The following TMEM269 variants were observed in gnomAD, a reference collection of about 807,000 sequenced individuals.
TMEM269 encodes the protein transmembrane protein 269.
A neutral mutation model predicts 15.8 loss-of-function variants in TMEM269; 12 were observed. The observed-to-expected ratio is 0.76, with a 90% CI of 0.49 to 1.23. The LOEUF is 1.23. Among genes scored for constraint, TMEM269 ranks in the 50% most tolerant of loss-of-function variants. The pLI is 0.00. For synonymous variants in TMEM269, 93 were observed against 99.3 expected, an observed-to-expected ratio of 0.94 and a Z score of 0.38; for missense variants, 211 against 245.4, an observed-to-expected ratio of 0.86 and a Z score of 0.94.
Position 42,788,993 on chromosome 1 carries a change from C to G in TMEM269, c.-98-803C>G, listed in dbSNP as rs1653599052. ...CTGGAGTGCAGTGGTGTGATCTCGG[C>G]TCACTGCAACCTCTGCCTCCTAAGG... On this transcript the variant is annotated intron_variant, in intron 1 of 5. Transcript: ENST00000637012. The surrounding 1 kb of genome is among the most constrained non-coding windows in gnomAD (Gnocchi z 4.0). Among the ~76,000 whole-genome samples, 1 of 148,826 alleles carries G rather than the reference C, an allele frequency of 6.7e-6. No individual in the cohort carries two copies. Among genetic ancestry groups the G allele is most frequent in the African/African-American group, 2.5e-5 (1 of 40,190 alleles).
chr1:42,792,778 G>A, intron 2 of TMEM269, 27 bp from the exon 3 acceptor site: 1 of 1,498,922 alleles, frequency 6.7e-7, no homozygotes. Flanking sequence ...GTGCTTCCCT[G>A]TTTGGGCTTG....
chr1:42,790,023 A>G, intron 2 of TMEM269, 89 bp downstream of exon 2: 1 of 973,024 alleles, frequency 1.0e-6, no homozygotes, highest in Non-Finnish European at 1.6e-6. Context: ...GCAGGCACTG[A>G]GGCATAGGAA....
Position 42,800,661 on chromosome 1 carries a change from C to T in TMEM269, c.*2436C>T, listed in dbSNP as rs965174260. On this transcript the variant is annotated 3_prime_UTR_variant, in exon 6 of 6. Transcript: ENST00000637012. Reference sequence around the variant, plus strand: ...ACCTTGAATAAAACGTTTAATCTCTCTAAGCCTATTTTCCTATCTGTAAAA... The same window carrying T: ...ACCTTGAATAAAACGTTTAATCTCTTTAAGCCTATTTTCCTATCTGTAAAA... 4 of 152,184 alleles carry T rather than the reference C, an allele frequency of 2.6e-5. No individual in the cohort carries two copies. The highest frequency in any genetic ancestry group is 9.7e-5 in the African/African-American group (4 of 41,438). 9.4% of individuals were successfully genotyped at this position (152,184 alleles called of 1,614,324 possible).
In TMEM269 at chr1:42,797,545, G is replaced by A. The variant is rs1242793690; in HGVS notation, c.485-553G>A. ...CCAGGTGTTACCACCGTGCTTATAT[G>A]GACAGTCTAGGAACAGTGAGACACT... On this transcript the variant is annotated intron_variant, in intron 5 of 5. Coordinates refer to ENST00000637012, the MANE Select transcript of TMEM269 (RefSeq NM_001354602.2). This position sits in a 1 kb window ranked among gnomAD's most constrained non-coding sequence, Gnocchi z 4.9. 6.6e-6 allele frequency among the ~76,000 whole-genome samples: 1 copy of A among 152,150 alleles called. No individual in the cohort carries two copies. Among genetic ancestry groups the A allele is most frequent in the Admixed American group, 6.5e-5 (1 of 15,276 alleles).
In TMEM269 at chr1:42,797,965, C is replaced by A; in HGVS notation, c.485-133C>A. 1 of 1,001,114 alleles carries A rather than the reference C, an allele frequency of 1.0e-6. No individual in the cohort carries two copies. The highest frequency in any genetic ancestry group is 1.6e-5 in the African/African-American group (1 of 61,932). 62.0% of individuals were successfully genotyped at this position (1,001,114 alleles called of 1,614,324 possible). On this transcript the variant is annotated intron_variant, in intron 5 of 5. Transcript: ENST00000637012. The surrounding 1 kb of genome is among the most constrained non-coding windows in gnomAD (Gnocchi z 4.9). ...CTGAACTTGAAGACAGGGCTCCTGT[C>A]TCTTTCTGTTTGTTTCTTAGGCACT...
intron 1 of TMEM269, chr1:42,789,285 G>C (rs913713518): frequency 1.6e-6 from 1 of 636,686 alleles, no homozygotes; most frequent in Non-Finnish European, 2.8e-6. Flanking sequence ...GTTCTGACTG[G>C]GGCCTGTCAG....
Position 42,798,453 on chromosome 1 carries a change from G to T in TMEM269, c.*228G>T, listed in dbSNP as rs950815157. On this transcript the variant is annotated 3_prime_UTR_variant, in exon 6 of 6. Transcript: ENST00000637012. ...TGCGGACAATACTTGTTTATGTCAT[G>T]TAGAGCAGAATATCCCCCCGCCTCA... The T allele has an allele frequency of 1.8e-6, 1 of 546,014 alleles. No homozygotes were observed. The highest frequency in any genetic ancestry group is 3.2e-6 in the Non-Finnish European group (1 of 311,848). The allele number at this position is 546,014 out of a possible 1,614,324, so 33.8% of individuals were successfully genotyped here.
chr1:42,796,900 C>A (rs1317190352), intron 5 of TMEM269: 2 of 152,022 alleles, frequency 1.3e-5, no homozygotes, highest in South Asian at 2.1e-4. Context: ...CATGGAAATA[C>A]CATTGGCTCA....
chr1:42,793,637 T>G lies in TMEM269; in HGVS notation c.176T>G (p.Phe59Cys). 1 of 1,550,472 alleles carries G rather than the reference T, an allele frequency of 6.4e-7. No homozygotes were observed. The highest frequency in any genetic ancestry group is 8.7e-7 in the Non-Finnish European group (1 of 1,146,928). ...ELNDFAVFTT[F>C]GLASALLLGV... ...AATGACTTTGCCGTCTTCACCACCT[T>G]CGGCTTGGCCTCCGCTCTGCTCCTA... The change falls in exon 4 of 6, where the codon TTC (phenylalanine) becomes TGC (cysteine). Residue 59 changes from phenylalanine to cysteine, a missense_variant. Coordinates refer to ENST00000637012, the MANE Select transcript of TMEM269 (RefSeq NM_001354602.2).
intron 3 of TMEM269, 136 bp downstream of exon 3, chr1:42,793,038 C>T: frequency 2.8e-6 from 2 of 711,672 alleles, no homozygotes; most frequent in Non-Finnish European, 4.9e-6. Flanking sequence ...AGAGCAGCAG[C>T]AGCAGCAGCC....
At chr1:42,786,270 G>GT (rs571618442) in intron 1 of TMEM269, among the ~76,000 whole-genome samples, 71 of 152,358 alleles carry the variant, frequency 4.7e-4, no homozygotes, top group African/African-American at 1.5e-3. Context: ...CTCATACTGG[G>GT]TACAGGGACC....
At chr1:42,795,535 T>C (rs142609084) in intron 5 of TMEM269, among the ~76,000 whole-genome samples, 8 of 152,224 alleles carry the variant, frequency 5.3e-5, no homozygotes, top group Middle Eastern at 3.4e-3. Context: ...GCAGTGGAGA[T>C]AAAGAGAAGT....
intron 4 of TMEM269, 46 bp downstream of exon 4, chr1:42,793,790 A>G: frequency 6.5e-7 from 1 of 1,529,028 alleles, no homozygotes; most frequent in East Asian, 2.5e-5. Context: ...AGGGGAGCAC[A>G]GAACGGGGGG....
intron 1 of TMEM269, chr1:42,787,976 G>T (rs1184242324): frequency 1.3e-5 from 2 of 152,452 alleles, no homozygotes; most frequent in Non-Finnish European, 2.9e-5. Flanking sequence ...GGCTTGCATT[G>T]CTTCTTGTCT....
rs1340054153 is a variant in TMEM269 at position 42,788,706 on chromosome 1, G to A, written c.-98-1090G>A. 2.6e-5 allele frequency among the ~76,000 whole-genome samples: 4 copies of A among 152,146 alleles called. No individual in the cohort carries two copies. Among genetic ancestry groups the A allele is most frequent in the Non-Finnish European group, 4.4e-5 (3 of 68,030 alleles). Reference sequence around the variant, plus strand: ...TCCTGCTGAAATCTATGCCTGCAGCGAAGAAACAGCAGATTTAGAATCAAA... The same window carrying A: ...TCCTGCTGAAATCTATGCCTGCAGCAAAGAAACAGCAGATTTAGAATCAAA... On this transcript the variant is annotated intron_variant, in intron 1 of 5. Coordinates refer to ENST00000637012, the MANE Select transcript of TMEM269 (RefSeq NM_001354602.2). This position sits in a 1 kb window ranked among gnomAD's most constrained non-coding sequence, Gnocchi z 4.0.
At position 42,797,821 on chromosome 1, in the gene TMEM269, C is replaced by T; in HGVS notation, c.485-277C>T. On this transcript the variant is annotated intron_variant, in intron 5 of 5. Coordinates refer to ENST00000637012, the MANE Select transcript of TMEM269 (RefSeq NM_001354602.2). The surrounding 1 kb of genome is among the most constrained non-coding windows in gnomAD (Gnocchi z 4.9). ...TTTTTGTCTTGGTTTGTTTTGTTTT[C>T]CCTAACAAAGGCAATTCAGATTTAT... The T allele has an allele frequency of 1.7e-6, 1 of 588,116 alleles. No individual in the cohort carries two copies. Among genetic ancestry groups the T allele is most frequent in the Non-Finnish European group, 3.3e-6 (1 of 304,118 alleles). 36.4% of individuals were successfully genotyped at this position (588,116 alleles called of 1,614,324 possible).
At chr1:42,789,318 A>G (rs2124212362) in intron 1 of TMEM269, 1 of 847,994 alleles carries the variant, frequency 1.2e-6, no homozygotes, top group East Asian at 2.7e-5. Context: ...GAGGCACCTC[A>G]GCTGCAGCCC....
chr1:42,789,180 C>T (rs1653602357), intron 1 of TMEM269: 1 of 494,314 alleles, frequency 2.0e-6, no homozygotes, highest in Admixed American at 3.2e-5. Flanking sequence ...GCCTCAGCCT[C>T]CCAAAGTGCT....
Position 42,788,573 on chromosome 1 carries a change from G to C in TMEM269, c.-98-1223G>C, listed in dbSNP as rs1653588147. Among the ~76,000 whole-genome samples, 1 of 152,100 alleles carries C rather than the reference G, an allele frequency of 6.6e-6. No individual in the cohort carries two copies. Among genetic ancestry groups the C allele is most frequent in the Non-Finnish European group, 1.5e-5 (1 of 68,012 alleles). Reference sequence around the variant, plus strand: ...TTGTGGGAGAGACTGGGAGAGACTGGGAGCACTGGGGGGCCTGGGCTGGAC... The same window carrying C: ...TTGTGGGAGAGACTGGGAGAGACTGCGAGCACTGGGGGGCCTGGGCTGGAC... On this transcript the variant is annotated intron_variant, in intron 1 of 5. Transcript: ENST00000637012. This position sits in a 1 kb window ranked among gnomAD's most constrained non-coding sequence, Gnocchi z 4.0.
Sources: gnomAD v4.1 joint callset for allele counts (sites outside exome capture counted in the v4.1 genomes callset) on GRCh38, gnomAD v4.1.1 for gene constraint, Gnocchi (gnomAD v3.1) non-coding constraint, MANE v1.5 for transcripts, NCBI Gene and HGNC (gene_info 2026-07-23, HGNC 2026-07-21) for gene names.